Variants in RASGRF1 observed in about 807,000 individuals in gnomAD.
The protein encoded by RASGRF1 is Ras protein specific guanine nucleotide releasing factor 1, also known as ras-specific guanine nucleotide-releasing factor 1.
In RASGRF1, 40 loss-of-function variants were observed where a neutral mutation model predicts 138.7. That is an observed-to-expected ratio of 0.29 (90% CI 0.22 to 0.38). The LOEUF (loss-of-function observed/expected upper bound fraction) is 0.38, where lower values mean the gene tolerates loss of function less well. Ranked by LOEUF, RASGRF1 falls within the 10% of genes least tolerant of loss-of-function variation. The pLI is 1.00. For missense variants in RASGRF1, 1,108 were observed against 1,650.4 expected, an observed-to-expected ratio of 0.67 and a Z score of 5.69; for synonymous variants, 614 against 663.2, an observed-to-expected ratio of 0.93 and a Z score of 1.14.
chr15:78,977,658 C>T lies in RASGRF1; in HGVS notation c.3494+2962G>A, dbSNP rs567649955. ...GCCTGGCAGTCAGCTAGCTGACACG[C>T]TCCTCCATGGCTGTTCCCATCCTTA... On this transcript the variant is annotated intron_variant, in intron 24 of 26. Coordinates refer to ENST00000558480, the MANE Select transcript of RASGRF1 (RefSeq NM_001145648.3). 8.5e-4 allele frequency among the ~76,000 whole-genome samples: 129 copies of T among 152,312 alleles called. 1 individual carries two copies. Among genetic ancestry groups the T allele is most frequent in the African/African-American group, 3.0e-3 (123 of 41,570 alleles).
intron 10 of RASGRF1, among the ~76,000 whole-genome samples, 176 bp from the exon 11 acceptor site, chr15:79,020,280 T>C (rs929347144): frequency 6.6e-6 from 1 of 152,256 alleles, no homozygotes; most frequent in Non-Finnish European, 1.5e-5. Context: ...TGGAAGGACT[T>C]TATCTTCATA....
Position 79,013,918 on chromosome 15 carries a change from A to AT in RASGRF1, c.1826+1408dup, listed in dbSNP as rs1441044189. On this transcript the variant is annotated intron_variant, in intron 13 of 26. Transcript: ENST00000558480. ...GGTTTTTGAAATGTTCTATATATTC[A>AT]TTTTTTAATTAGGAAGAGAAAAATA... 5.3e-5 allele frequency among the ~76,000 whole-genome samples: 8 copies of AT among 152,280 alleles called. No individual in the cohort carries two copies. The East Asian group carries it at 1.5e-3, about 29-fold the overall frequency.
chr15:79,017,657 A>G, intron 12 of RASGRF1, 113 bp downstream of exon 12: 1 of 1,308,386 alleles, frequency 7.6e-7, no homozygotes, highest in Non-Finnish European at 1.0e-6. Context: ...CTTTCTCTGT[A>G]GAACAGTGCA....
intron 18 of RASGRF1, 73 bp downstream of exon 18, chr15:78,998,646 T>G: frequency 7.6e-7 from 1 of 1,318,912 alleles, no homozygotes; most frequent in Admixed American, 1.7e-5. Context: ...CAGCTGCTTT[T>G]GGAAGGCAGC....
chr15:79,060,205 G>A (rs180797564), intron 2 of RASGRF1, among the ~76,000 whole-genome samples: 3 of 152,296 alleles, frequency 2.0e-5, no homozygotes, highest in South Asian at 2.1e-4. Context: ...TCTAAGGAAG[G>A]TGCCTCGATT....
At position 78,973,264 on chromosome 15, in the gene RASGRF1, C is replaced by T. The variant is rs1416105860; in HGVS notation, c.3612+39G>A. ...GCCCCAGGTTGAGTCATCTGGGCTT[C>T]AACGCCCCCCTTCCCCTGCCTGGCT... is the stretch of plus-strand genomic sequence containing the variant. On this transcript the variant is annotated intron_variant, in intron 25 of 26. Transcript: ENST00000558480. The surrounding 1 kb of genome is among the most constrained non-coding windows in gnomAD (Gnocchi z 4.9). The T allele has an allele frequency of 2.0e-6, 3 of 1,507,592 alleles. No individual in the cohort carries two copies. In the Admixed American group the frequency reaches 5.3e-5, roughly 27 times the overall value. The allele number at this position is 1,507,592 out of a possible 1,614,324, so 93.4% of individuals were successfully genotyped here.
chr15:79,014,850 G>C (rs936112238), intron 13 of RASGRF1, among the ~76,000 whole-genome samples: 9 of 151,740 alleles, frequency 5.9e-5, no homozygotes, highest in African/African-American at 2.2e-4. Context: ...CCGGGAGGCA[G>C]AGGTTGCAGT....
chr15:79,075,590 C>T (rs577395314), intron 1 of RASGRF1, among the ~76,000 whole-genome samples: 1 of 152,256 alleles, frequency 6.6e-6, no homozygotes, highest in Admixed American at 6.5e-5. Context: ...TGACCAGCAG[C>T]CCCTACAGCC....
At chr15:79,007,545 G>GTTTGTT (rs2056704665) in intron 13 of RASGRF1, among the ~76,000 whole-genome samples, 1 of 108,982 alleles carries the variant, frequency 9.2e-6, no homozygotes, top group African/African-American at 3.8e-5. Flanking sequence ...GCCGTATCTA[G>GTTTGTT]TTTTTTTTTT....
chr15:79,028,615 C>T (rs1433389139), intron 8 of RASGRF1, among the ~76,000 whole-genome samples: 1 of 152,070 alleles, frequency 6.6e-6, no homozygotes, highest in Admixed American at 6.6e-5. Flanking sequence ...GCCAATTTTG[C>T]CTTGGTGGGT....
intron 3 of RASGRF1, among the ~76,000 whole-genome samples, chr15:79,055,191 G>C (rs1412473320): frequency 6.6e-6 from 1 of 152,132 alleles, no homozygotes; most frequent in Non-Finnish European, 1.5e-5. Flanking sequence ...GGCTCCAATA[G>C]TCTAAGACCC....
At chr15:79,000,303 C>T (rs1265572351) in intron 16 of RASGRF1, among the ~76,000 whole-genome samples, 6 of 152,214 alleles carry the variant, frequency 3.9e-5, no homozygotes, top group Non-Finnish European at 2.9e-5. Flanking sequence ...CATAACCTGT[C>T]CAATGTCTGA....
intron 10 of RASGRF1, 73 bp from the exon 11 acceptor site, chr15:79,020,177 G>A: frequency 1.4e-6 from 2 of 1,415,562 alleles, no homozygotes; most frequent in Non-Finnish European, 2.0e-6. Context: ...TGGATGATAG[G>A]GTTGGAGGGG....
At chr15:79,062,782 G>A (rs556765304) in intron 2 of RASGRF1, among the ~76,000 whole-genome samples, 5 of 152,156 alleles carry the variant, frequency 3.3e-5, no homozygotes, top group African/African-American at 7.2e-5. Flanking sequence ...GACCTCAAGC[G>A]ATTTGCCCAC....
At chr15:79,055,277 C>G (rs2057495563) in intron 3 of RASGRF1, among the ~76,000 whole-genome samples, 1 of 152,150 alleles carries the variant, frequency 6.6e-6, no homozygotes, top group Non-Finnish European at 1.5e-5. Context: ...GGCCACTCCT[C>G]AAGAATGAGC....
Position 79,001,805 on chromosome 15 carries a change from A to C in RASGRF1, c.2450-18T>G, listed in dbSNP as rs747733623. 2 of 1,395,094 alleles carry C rather than the reference A, an allele frequency of 1.4e-6. No homozygotes were observed. The highest frequency in any genetic ancestry group is 3.0e-5 in the African/African-American group (2 of 67,274). 86.4% of individuals were successfully genotyped at this position (1,395,094 alleles called of 1,614,324 possible). ...TTCTGAGCCTGGGAGAAAAGAAATA[A>C]ATAATTTTACTTTTCTTAATTTTAA... On this transcript the variant is annotated intron_variant, in intron 15 of 26. Coordinates refer to ENST00000558480, the MANE Select transcript of RASGRF1 (RefSeq NM_001145648.3).
intron 25 of RASGRF1, among the ~76,000 whole-genome samples, chr15:78,972,673 A>G (rs1240231749): frequency 6.6e-6 from 1 of 152,036 alleles, no homozygotes; most frequent in Admixed American, 6.6e-5. Context: ...TCCAACAAAA[A>G]TCTAATGTCA....
At chr15:79,021,806 G>T (rs947928648) in intron 10 of RASGRF1, among the ~76,000 whole-genome samples, 1 of 152,160 alleles carries the variant, frequency 6.6e-6, no homozygotes, top group Admixed American at 6.5e-5. Flanking sequence ...GGGCTGTTCT[G>T]GGAATTAAAT....
At chr15:79,039,855 G>T (rs569844769) in intron 5 of RASGRF1, among the ~76,000 whole-genome samples, 1 of 147,956 alleles carries the variant, frequency 6.8e-6, no homozygotes. Context: ...CTGTAGCCTC[G>T]GCCTCCTGGG....
Sources: gnomAD v4.1 joint callset for allele counts (sites outside exome capture counted in the v4.1 genomes callset) on GRCh38, gnomAD v4.1.1 for gene constraint, Gnocchi (gnomAD v3.1) non-coding constraint, MANE v1.5 for transcripts, NCBI Gene and HGNC (gene_info 2026-07-23, HGNC 2026-07-21) for gene names.